AK3: variants seen among roughly 807,000 people sequenced by gnomAD.
The protein encoded by AK3 is GTP:AMP phosphotransferase AK3, mitochondrial.
Under a neutral mutation model 23.7 loss-of-function variants are expected in AK3, and 27 were observed. The observed-to-expected ratio is 1.14, with a 90% confidence interval of 0.84 to 1.57. The LOEUF is 1.57. Among genes scored for constraint, AK3 ranks in the 40% most tolerant of loss-of-function variants. The pLI is 0.00. For synonymous variants in AK3, 159 were observed against 116.0 expected, an observed-to-expected ratio of 1.37 and a Z score of -2.38; for missense variants, 406 against 285.6, an observed-to-expected ratio of 1.42 and a Z score of -3.04.
rs1842197227 is a variant in AK3, at chr9:4,733,332, T to G, written c.151+7605A>C. ...ATAGCTTTACACCCAATCAAGGGCTTTAAAAAAAAACCTTTCTCAAATAAT... is the reference window on the plus strand; with the variant it reads ...ATAGCTTTACACCCAATCAAGGGCTGTAAAAAAAAACCTTTCTCAAATAAT... On this transcript the variant is annotated intron_variant, in intron 1 of 4. Coordinates refer to ENST00000381809, the MANE Select transcript of AK3 (RefSeq NM_016282.4). Among the ~76,000 whole-genome samples the G allele has an allele frequency of 3.0e-5, 3 of 99,006 alleles. No homozygotes were observed. In the Admixed American group the frequency reaches 3.3e-4, roughly 11 times the overall value. 65.0% of individuals were successfully genotyped at this position (99,006 alleles called of 152,430 possible).
chr9:4,719,068 T>C, intron 3 of AK3, 67 bp downstream of exon 3: 1 of 1,567,916 alleles, frequency 6.4e-7, no homozygotes, highest in Non-Finnish European at 8.7e-7. Context: ...TCACTCAACT[T>C]ATGTCTGTTA....
In AK3 at chr9:4,741,016, C is replaced by A; in HGVS notation, c.72G>T (p.Ser24=). The change falls in exon 1 of 5, where the codon TCG becomes TCT. Residue 24 remains serine (S), a synonymous_variant. Coordinates refer to ENST00000381809, the MANE Select transcript of AK3 (RefSeq NM_016282.4). ...GCTCGAAGTGTGTAGTGATGCGCGA[C>A]GACACGGTGCCCTTGCCCGAGCCCG... ...GAPGSGKGTV[S]SRITTHFELK... 1 of 1,591,634 alleles carries A rather than the reference C, an allele frequency of 6.3e-7. No individual in the cohort carries two copies. The highest frequency in any genetic ancestry group is 8.5e-7 in the Non-Finnish European group (1 of 1,171,028).
At chr9:4,721,148 A>G (rs10974748) in intron 2 of AK3, among the ~76,000 whole-genome samples, 33,256 of 152,062 alleles carry the variant, frequency 0.22, 3,827 homozygotes, top group East Asian at 0.39. Flanking sequence ...CATACTTGCA[A>G]TCCCAGCACT....
chr9:4,735,478 A>ATAT (rs1295633089), intron 1 of AK3, among the ~76,000 whole-genome samples: 9 of 62,582 alleles, frequency 1.4e-4, no homozygotes, highest in African/African-American at 5.9e-4. Flanking sequence ...ATATATATAT[A>ATAT]TTTTTTTTTT....
rs766413945 is a variant in AK3 at position 4,718,519 on chromosome 9, C to A, written c.463G>T (p.Gly155Trp). Residue 155 changes from glycine (G) to tryptophan (W), a missense_variant, in exon 4 of 5, where the codon GGG becomes TGG. Transcript: ENST00000381809. Reference sequence around the variant, plus strand: ...TCCTCACGCTGAATGAGAGGCTCCCCAGTCAGGTCATCAATGCCCTAAACA... The same window carrying A: ...TCCTCACGCTGAATGAGAGGCTCCCAAGTCAGGTCATCAATGCCCTAAACA... The part of the protein sequence containing the change: ...PKTVGIDDLT[G>W]EPLIQREDDK... 1 of 1,613,522 alleles carries A rather than the reference C, an allele frequency of 6.2e-7. No individual in the cohort carries two copies. The highest frequency in any genetic ancestry group is 8.5e-7 in the Non-Finnish European group (1 of 1,179,574).
At position 4,738,067 on chromosome 9, in the gene AK3, G is replaced by A. The variant is rs1842337918; in HGVS notation, c.151+2870C>T. Among the ~76,000 whole-genome samples the A allele has an allele frequency of 4.6e-5, 7 of 152,328 alleles. No homozygotes were observed. In the South Asian group the frequency reaches 1.4e-3, roughly 32 times the overall value. On this transcript the variant is annotated intron_variant, in intron 1 of 4. Transcript: ENST00000381809. ...AAGCAAAGATTTGCCAAATGTTTAT[G>A]TGCAGGGATAGTCATAACAGTATTT...
chr9:4,725,270 G>C (rs956095473), intron 1 of AK3, among the ~76,000 whole-genome samples: 1 of 151,564 alleles, frequency 6.6e-6, no homozygotes, highest in Non-Finnish European at 1.5e-5. Context: ...GCCCGCCTCG[G>C]CCTCCCAAAG....
At chr9:4,714,292 G>A (rs1211247037) in intron 4 of AK3, among the ~76,000 whole-genome samples, 4 of 145,508 alleles carry the variant, frequency 2.7e-5, no homozygotes, top group Non-Finnish European at 6.1e-5. Context: ...ATGACTTTGT[G>A]AAAAGAGGAT....
At chr9:4,721,601 G>A (rs1447082025) in intron 2 of AK3, among the ~76,000 whole-genome samples, 1 of 151,996 alleles carries the variant, frequency 6.6e-6, no homozygotes, top group Non-Finnish European at 1.5e-5. Flanking sequence ...TAGGGTTACA[G>A]GTGTGCGCCA....
chr9:4,713,519 C>G (rs1023545601), intron 4 of AK3, among the ~76,000 whole-genome samples: 2 of 152,116 alleles, frequency 1.3e-5, no homozygotes, highest in South Asian at 2.1e-4. Flanking sequence ...CTATAAGATA[C>G]CAGAACACCC....
At chr9:4,732,204 T>C (rs1842169994) in intron 1 of AK3, among the ~76,000 whole-genome samples, 1 of 152,150 alleles carries the variant, frequency 6.6e-6, no homozygotes, top group African/African-American at 2.4e-5. Context: ...CCATCTTGGC[T>C]TCCCAAAGTG....
At chr9:4,728,968 T>G (rs1200222279) in intron 1 of AK3, among the ~76,000 whole-genome samples, 1 of 132,152 alleles carries the variant, frequency 7.6e-6, no homozygotes, top group Non-Finnish European at 1.7e-5. Context: ...CACATACATA[T>G]ATATACCTAC....
intron 1 of AK3, among the ~76,000 whole-genome samples, chr9:4,727,892 T>C (rs1369865648): frequency 6.6e-6 from 1 of 152,176 alleles, no homozygotes; most frequent in East Asian, 1.9e-4. Flanking sequence ...TTGGCCTAAT[T>C]TCAATATTGT....
chr9:4,733,188 G>A (rs12379929), intron 1 of AK3, among the ~76,000 whole-genome samples: 1 of 152,006 alleles, frequency 6.6e-6, no homozygotes, highest in African/African-American at 2.4e-5. Flanking sequence ...AGGCTACAGA[G>A]AATTAACCTA....
In AK3 at chr9:4,710,933, T is replaced by G. The variant is rs994783658; in HGVS notation, c.*2043A>C. ...AAAAAAAATAAAGAAAAAAGTTGTATTACAGTCATATTCATTCCTAAAGTA... is the reference window on the plus strand; with the variant it reads ...AAAAAAAATAAAGAAAAAAGTTGTAGTACAGTCATATTCATTCCTAAAGTA... On this transcript the variant is annotated 3_prime_UTR_variant, in exon 5 of 5. Coordinates refer to ENST00000381809, the MANE Select transcript of AK3 (RefSeq NM_016282.4). 6.6e-6 allele frequency: 1 copy of G among 152,102 alleles called. No individual in the cohort carries two copies. The highest frequency in any genetic ancestry group is 1.5e-5 in the Non-Finnish European group (1 of 68,024). 9.4% of individuals were successfully genotyped at this position (152,102 alleles called of 1,614,324 possible).
At chr9:4,719,788 G>A (rs781194881) in intron 2 of AK3, among the ~76,000 whole-genome samples, 53 of 152,238 alleles carry the variant, frequency 3.5e-4, no homozygotes, top group African/African-American at 1.1e-3. Context: ...GGGACTGGCC[G>A]GGCGCAGTGG....
Position 4,710,315 on chromosome 9 carries a change from C to T in AK3, c.*2661G>A, listed in dbSNP as rs1841520539. ...CTCCGCCTCCCGGATTCACACCATT[C>T]TCCTGCCTCAACCTCCCGAGTAGCT... On this transcript the variant is annotated 3_prime_UTR_variant, in exon 5 of 5. Coordinates refer to ENST00000381809, the MANE Select transcript of AK3 (RefSeq NM_016282.4). 6.6e-6 allele frequency: 1 copy of T among 152,116 alleles called. No individual in the cohort carries two copies. The highest frequency in any genetic ancestry group is 2.1e-4 in the South Asian group (1 of 4,806). 9.4% of individuals were successfully genotyped at this position (152,116 alleles called of 1,614,324 possible).
intron 1 of AK3, among the ~76,000 whole-genome samples, chr9:4,736,368 A>C (rs1842293535): frequency 6.6e-6 from 1 of 152,094 alleles, no homozygotes; most frequent in African/African-American, 2.4e-5. Context: ...AGCATAGGTA[A>C]ACATTTGATT....
At chr9:4,714,021 T>TACACACCTACACATATAC (rs1220603056) in intron 4 of AK3, among the ~76,000 whole-genome samples, 1 of 20,824 alleles carries the variant, frequency 4.8e-5, no homozygotes, top group African/African-American at 1.8e-4. Context: ...CCTACACATA[T>TACACACCTACACATATAC]ACAGCTACAC....
Sources: gnomAD v4.1 joint callset for allele counts (sites outside exome capture counted in the v4.1 genomes callset) on GRCh38, gnomAD v4.1.1 for gene constraint, MANE v1.5 for transcripts, NCBI Gene and HGNC (gene_info 2026-07-23, HGNC 2026-07-21) for gene names.